IGSF21: variants seen among roughly 807,000 people sequenced by gnomAD.
IGSF21 encodes immunoglobulin superfamily member 21.
IGSF21 carries 28 observed loss-of-function variants against 46.8 expected under a neutral mutation model. The observed-to-expected ratio is 0.60, with a 90% confidence interval of 0.44 to 0.82. The LOEUF is 0.82. Among genes scored for constraint, IGSF21 ranks in the 40% least tolerant of loss-of-function variants. The pLI is 0.00. For missense variants in IGSF21, 624 were observed against 665.5 expected (o/e 0.94, Z 0.69); for synonymous variants, 284 against 273.6 (o/e 1.04, Z -0.38).
chr1:18,170,120 G>A (rs780270776), intron 1 of IGSF21, among the ~76,000 whole-genome samples: 10 of 152,170 alleles, frequency 6.6e-5, no homozygotes, highest in Non-Finnish European at 1.2e-4. Flanking sequence ...AAGGTAAGGA[G>A]GGCATTCCAG....
chr1:18,204,348 T>C (rs974666544), intron 1 of IGSF21, among the ~76,000 whole-genome samples: 1 of 152,234 alleles, frequency 6.6e-6, no homozygotes, highest in Admixed American at 6.5e-5. Flanking sequence ...ACTTCAGTGA[T>C]CAGCAGCTGC....
chr1:18,343,323 T>C (rs2085861645), intron 4 of IGSF21, among the ~76,000 whole-genome samples: 1 of 152,180 alleles, frequency 6.6e-6, no homozygotes, highest in East Asian at 1.9e-4. Context: ...GTTGTAAGAG[T>C]TCTCTATCTG....
intron 1 of IGSF21, among the ~76,000 whole-genome samples, chr1:18,196,970 C>T (rs528931401): frequency 8.3e-4 from 127 of 152,298 alleles, no homozygotes; most frequent in Admixed American, 2.2e-3. Context: ...CTTTTCCCGG[C>T]TTCCCGGTAC....
intron 2 of IGSF21, among the ~76,000 whole-genome samples, chr1:18,288,069 G>A (rs1321807032): frequency 6.6e-6 from 1 of 152,186 alleles, no homozygotes; most frequent in Non-Finnish European, 1.5e-5. Context: ...ATCCTCATAG[G>A]GAGGAACGTT....
chr1:18,121,333 A>G (rs2086231842), intron 1 of IGSF21, among the ~76,000 whole-genome samples: 1 of 152,138 alleles, frequency 6.6e-6, no homozygotes, highest in Non-Finnish European at 1.5e-5. Flanking sequence ...GTGGAGATAA[A>G]TATTCCTCAG....
chr1:18,269,970 C>T (rs1180360405), intron 2 of IGSF21, among the ~76,000 whole-genome samples: 1 of 152,190 alleles, frequency 6.6e-6, no homozygotes, highest in Non-Finnish European at 1.5e-5. Context: ...TCAGCTCCTG[C>T]CATGTGCCTT....
At position 18,141,996 on chromosome 1, in the gene IGSF21, G is replaced by A. The variant is rs183194053; in HGVS notation, c.70+33798G>A. Among the ~76,000 whole-genome samples, 12 of 152,220 alleles carry A rather than the reference G, an allele frequency of 7.9e-5. No individual in the cohort carries two copies. In the South Asian group the frequency reaches 8.3e-4, roughly 11 times the overall value. On this transcript the variant is annotated intron_variant, in intron 1 of 9. Coordinates refer to ENST00000251296, the MANE Select transcript of IGSF21 (RefSeq NM_032880.5). ...GAGGTGGGAGGATTACTTGAGCCCC[G>A]GAGGCCTAAACTGCAGTGAGCCAAG...
At chr1:18,181,338 G>T (rs527376676) in intron 1 of IGSF21, among the ~76,000 whole-genome samples, 1 of 152,332 alleles carries the variant, frequency 6.6e-6, no homozygotes, top group East Asian at 1.9e-4. Flanking sequence ...CTGCGACATT[G>T]ATGTGACAGG....
intron 1 of IGSF21, among the ~76,000 whole-genome samples, chr1:18,204,060 T>C (rs2087102903): frequency 6.6e-6 from 1 of 152,132 alleles, no homozygotes; most frequent in South Asian, 2.1e-4. Context: ...GGGTATTCCA[T>C]ACACCAGACA....
chr1:18,147,288 C>A (rs1187172418), intron 1 of IGSF21, among the ~76,000 whole-genome samples: 1 of 152,178 alleles, frequency 6.6e-6, no homozygotes, highest in Non-Finnish European at 1.5e-5. Flanking sequence ...GTGGTGCCTG[C>A]TCTCCCACCT....
chr1:18,162,956 TG>T (rs2086641167), intron 1 of IGSF21, among the ~76,000 whole-genome samples: 2 of 152,102 alleles, frequency 1.3e-5, no homozygotes, highest in African/African-American at 4.8e-5. Flanking sequence ...TCATGTTCTG[TG>T]AACAGTGATG....
chr1:18,181,064 C>G (rs1233339936), intron 1 of IGSF21, among the ~76,000 whole-genome samples: 2 of 152,186 alleles, frequency 1.3e-5, no homozygotes, highest in African/African-American at 2.4e-5. Context: ...TGAGTGCTCC[C>G]TTCTTCTGCA....
chr1:18,151,325 C>T (rs1313628283), intron 1 of IGSF21, among the ~76,000 whole-genome samples: 1 of 152,210 alleles, frequency 6.6e-6, no homozygotes, highest in Non-Finnish European at 1.5e-5. Context: ...GTCAGAGGCT[C>T]CCCTGAGCAC....
intron 3 of IGSF21, among the ~76,000 whole-genome samples, chr1:18,333,194 A>T (rs553553): frequency 6.6e-6 from 1 of 152,002 alleles, no homozygotes; most frequent in African/African-American, 2.4e-5. Context: ...AGGTAAGTCC[A>T]TGGGTATGGA....
intron 4 of IGSF21, among the ~76,000 whole-genome samples, chr1:18,342,644 A>T (rs1277396686): frequency 6.6e-6 from 1 of 152,018 alleles, no homozygotes; most frequent in East Asian, 1.9e-4. Context: ...GTCTCTATAG[A>T]TTTGCTGGTT....
chr1:18,206,838 G>A (rs1330503924), intron 1 of IGSF21, among the ~76,000 whole-genome samples: 1 of 152,216 alleles, frequency 6.6e-6, no homozygotes, highest in Non-Finnish European at 1.5e-5. Context: ...TCAGAGGACT[G>A]CTGCTATCTC....
chr1:18,273,731 A>G (rs1383558391), intron 2 of IGSF21, among the ~76,000 whole-genome samples: 1 of 151,850 alleles, frequency 6.6e-6, no homozygotes, highest in East Asian at 1.9e-4. Flanking sequence ...TCCTTATAAT[A>G]GAAACCAACA....
chr1:18,275,620 G>C (rs1006245340), intron 2 of IGSF21, among the ~76,000 whole-genome samples: 2 of 152,126 alleles, frequency 1.3e-5, no homozygotes, highest in African/African-American at 4.8e-5. Context: ...CCCAACTATG[G>C]AACAGCAAAA....
intron 2 of IGSF21, among the ~76,000 whole-genome samples, chr1:18,280,927 C>G (rs1462143481): frequency 2.0e-5 from 3 of 152,178 alleles, no homozygotes; most frequent in Non-Finnish European, 4.4e-5. Context: ...CTGGACCCTC[C>G]CTGGCAGAGC....
Sources: gnomAD v4.1 joint callset for allele counts (sites outside exome capture counted in the v4.1 genomes callset) on GRCh38, gnomAD v4.1.1 for gene constraint, MANE v1.5 for transcripts, NCBI Gene and HGNC (gene_info 2026-07-23, HGNC 2026-07-21) for gene names.